NALF1: variants seen among roughly 807,000 people sequenced by gnomAD.
NALF1 encodes family with sequence similarity 155 member A.
Under a neutral mutation model 48.4 loss-of-function variants are expected in NALF1, and 3 were observed. That is an observed-to-expected ratio of 0.06 (90% CI 0.03 to 0.16). The LOEUF (loss-of-function observed/expected upper bound fraction) is 0.16, where lower values mean the gene tolerates loss of function less well. NALF1 is among the 10% of genes least tolerant of loss of function. The pLI, the probability that NALF1 is intolerant of heterozygous loss-of-function variation, is 1.00. For missense variants in NALF1, 526 were observed against 571.5 expected, an observed-to-expected ratio of 0.92 and a Z score of 0.81; for synonymous variants, 262 against 245.7, an observed-to-expected ratio of 1.07 and a Z score of -0.62.
intron 1 of NALF1, among the ~76,000 whole-genome samples, chr13:107,488,979 C>A (rs770862021): frequency 3.1e-4 from 47 of 152,212 alleles, no homozygotes; most frequent in Admixed American, 7.8e-4. Flanking sequence ...ACACAAATAA[C>A]AGTCAAGCTG....
At chr13:107,288,692 C>T (rs574115962) in intron 1 of NALF1, among the ~76,000 whole-genome samples, 25 of 151,364 alleles carry the variant, frequency 1.7e-4, no homozygotes, top group Non-Finnish European at 2.8e-4. Flanking sequence ...CCACCACGCC[C>T]GGCTAATTTT....
intron 1 of NALF1, among the ~76,000 whole-genome samples, chr13:107,240,418 C>G (rs1488968506): frequency 6.6e-6 from 1 of 152,188 alleles, no homozygotes; most frequent in Non-Finnish European, 1.5e-5. Context: ...ATCTCTATCT[C>G]AGTTTCCTAA....
At chr13:107,534,627 C>G (rs1876747435) in intron 1 of NALF1, among the ~76,000 whole-genome samples, 1 of 152,070 alleles carries the variant, frequency 6.6e-6, no homozygotes, top group South Asian at 2.1e-4. Flanking sequence ...GCCAGTATTT[C>G]CTACATTTTA....
At chr13:107,615,531 G>A (rs1203357548) in intron 1 of NALF1, among the ~76,000 whole-genome samples, 2 of 152,176 alleles carry the variant, frequency 1.3e-5, no homozygotes, top group East Asian at 3.9e-4. Flanking sequence ...AGATGATGGT[G>A]TGCCAAAATA....
intron 1 of NALF1, among the ~76,000 whole-genome samples, chr13:107,417,630 C>G (rs1239671569): frequency 6.6e-6 from 1 of 152,136 alleles, no homozygotes; most frequent in Non-Finnish European, 1.5e-5. Context: ...GATCCATGTA[C>G]GGCAGTAACA....
intron 1 of NALF1, among the ~76,000 whole-genome samples, chr13:107,642,096 C>T (rs1196824046): frequency 6.6e-6 from 1 of 152,148 alleles, no homozygotes; most frequent in African/African-American, 2.4e-5. Flanking sequence ...CAGCATCTCC[C>T]CGACCCACTG....
At chr13:107,732,015 G>A (rs992527880) in intron 1 of NALF1, among the ~76,000 whole-genome samples, 7 of 152,088 alleles carry the variant, frequency 4.6e-5, no homozygotes, top group African/African-American at 1.7e-4. Context: ...AATTGTTGGG[G>A]CCCTGCTGTT....
intron 1 of NALF1, among the ~76,000 whole-genome samples, chr13:107,233,610 AAG>A (rs1880275117): frequency 6.6e-6 from 1 of 152,170 alleles, no homozygotes; most frequent in African/African-American, 2.4e-5. Context: ...TTGGGGGAAA[AAG>A]AGGAAAAAAA....
intron 1 of NALF1, among the ~76,000 whole-genome samples, chr13:107,718,397 C>T (rs1355942852): frequency 6.6e-6 from 1 of 152,194 alleles, no homozygotes; most frequent in Non-Finnish European, 1.5e-5. Flanking sequence ...AGGAAGAAGA[C>T]TCTCATCCCA....
intron 1 of NALF1, among the ~76,000 whole-genome samples, chr13:107,597,671 A>G (rs922823473): frequency 6.6e-6 from 1 of 151,902 alleles, no homozygotes; most frequent in Non-Finnish European, 1.5e-5. Flanking sequence ...AGATAGTACA[A>G]TACAATTGTA....
At chr13:107,478,815 C>G (rs1294186882) in intron 1 of NALF1, among the ~76,000 whole-genome samples, 1 of 152,024 alleles carries the variant, frequency 6.6e-6, no homozygotes, top group South Asian at 2.1e-4. Flanking sequence ...CACTTCAACA[C>G]AAAAAGTCAC....
chr13:107,502,640 T>G (rs2139079567), intron 1 of NALF1, among the ~76,000 whole-genome samples: 1 of 152,258 alleles, frequency 6.6e-6, no homozygotes, highest in South Asian at 2.1e-4. Context: ...ATATTATGCT[T>G]CTTCTAACCA....
At chr13:107,324,076 T>C (rs1882305292) in intron 1 of NALF1, among the ~76,000 whole-genome samples, 2 of 152,170 alleles carry the variant, frequency 1.3e-5, no homozygotes, top group Non-Finnish European at 2.9e-5. Flanking sequence ...GCCACTGCAC[T>C]CCAGCCTAGG....
intron 1 of NALF1, among the ~76,000 whole-genome samples, chr13:107,277,138 A>G (rs1425704261): frequency 1.3e-5 from 2 of 152,186 alleles, no homozygotes; most frequent in Non-Finnish European, 2.9e-5. Context: ...AATAAGGAAT[A>G]CTGAGTATCT....
chr13:107,243,504 C>A (rs914938801), intron 1 of NALF1, among the ~76,000 whole-genome samples: 2 of 152,184 alleles, frequency 1.3e-5, no homozygotes, highest in African/African-American at 4.8e-5. Context: ...CCCATCCAAA[C>A]CCTATCTCTA....
chr13:107,322,189 G>A (rs1347570901), intron 1 of NALF1, among the ~76,000 whole-genome samples: 1 of 152,038 alleles, frequency 6.6e-6, no homozygotes, highest in African/African-American at 2.4e-5. Context: ...TCACCTTCAA[G>A]TTGCTATTTT....
chr13:107,210,680 T>C lies in NALF1; in HGVS notation c.991A>G (p.Lys331Glu), dbSNP rs372642834. ...GTCTGAACCTCCAAACAGTATTGCT[T>C]GCAAGGAATTGTCTTTCTGCAGTTA... ...QFNCRKTIPCKQYCLEVQTRC... is the reference protein window; with the variant it reads ...QFNCRKTIPCEQYCLEVQTRC... The change falls in exon 2 of 3, where the codon AAG (lysine) becomes GAG (glutamate). Residue 331 changes from lysine (K) to glutamate (E), a missense_variant. Around this residue, in one of 2 missense-constraint regions of NALF1, gnomAD observed 153 missense variants for 215.9 expected, o/e 0.71. Transcript: ENST00000375915. 3.1e-6 allele frequency: 5 copies of C among 1,611,672 alleles called. No individual in the cohort carries two copies. The highest frequency in any genetic ancestry group is 4.2e-6 in the Non-Finnish European group (5 of 1,177,914).
At chr13:107,602,033 A>G (rs969201301) in intron 1 of NALF1, among the ~76,000 whole-genome samples, 1 of 151,930 alleles carries the variant, frequency 6.6e-6, no homozygotes, top group African/African-American at 2.4e-5. Context: ...TTTCCTAAAA[A>G]TAAAGCTCAT....
intron 1 of NALF1, among the ~76,000 whole-genome samples, chr13:107,692,368 T>A (rs1365892128): frequency 2.0e-5 from 3 of 151,912 alleles, no homozygotes; most frequent in East Asian, 3.9e-4. Context: ...GAAAAAAAAA[T>A]GAATTTGTTA....
Sources: allele counts gnomAD v4.1 joint callset (sites outside exome capture counted in the v4.1 genomes callset), GRCh38; gene constraint gnomAD v4.1.1; regional missense constraint gnomAD v4.1.1; transcripts MANE v1.5; gene names NCBI Gene and HGNC (gene_info 2026-07-23, HGNC 2026-07-21).